CTNNA3: variants seen among roughly 807,000 people sequenced by gnomAD.
The protein encoded by CTNNA3 is catenin alpha-3.
CTNNA3 carries 76 observed loss-of-function variants against 95.7 expected under a neutral mutation model. The ratio of observed to expected loss-of-function variants is 0.79; its 90% CI spans 0.66 to 0.96. The LOEUF is 0.96. CTNNA3 is among the 40% of genes least tolerant of loss of function. The pLI, the probability that CTNNA3 is intolerant of heterozygous loss-of-function variation, is 0.00. For synonymous variants in CTNNA3, 431 were observed against 374.4 expected (o/e 1.15, Z -1.74); for missense variants, 1,191 against 1,089.8 (o/e 1.09, Z -1.31).
intron 7 of CTNNA3, among the ~76,000 whole-genome samples, chr10:66,856,422 A>T (rs1280597180): frequency 6.6e-6 from 1 of 152,072 alleles, no homozygotes; most frequent in African/African-American, 2.4e-5. Context: ...CCTTGGGTAT[A>T]TAACCAATAA....
At chr10:66,942,250 A>G (rs1237671029) in intron 7 of CTNNA3, among the ~76,000 whole-genome samples, 1 of 152,176 alleles carries the variant, frequency 6.6e-6, no homozygotes, top group Non-Finnish European at 1.5e-5. Context: ...AAACACATAA[A>G]TTGCCAAGTC....
intron 13 of CTNNA3, among the ~76,000 whole-genome samples, chr10:66,197,546 C>T (rs2087045150): frequency 1.3e-5 from 2 of 152,064 alleles, no homozygotes; most frequent in South Asian, 2.1e-4. Context: ...AGAATAATCA[C>T]CTGCAAAAAA....
intron 1 of CTNNA3, among the ~76,000 whole-genome samples, chr10:67,689,617 C>G (rs1469527154): frequency 6.6e-6 from 1 of 152,078 alleles, no homozygotes; most frequent in Non-Finnish European, 1.5e-5. Flanking sequence ...TTGAGAGTTC[C>G]ACTCATGGCC....
At chr10:66,646,214 A>G (rs1288616045) in intron 9 of CTNNA3, among the ~76,000 whole-genome samples, 1 of 152,170 alleles carries the variant, frequency 6.6e-6, no homozygotes, top group Non-Finnish European at 1.5e-5. Flanking sequence ...AAGACTAATA[A>G]ACTAATACAA....
At chr10:66,758,161 T>C (rs984889497) in intron 9 of CTNNA3, among the ~76,000 whole-genome samples, 18 of 152,128 alleles carry the variant, frequency 1.2e-4, no homozygotes, top group Non-Finnish European at 1.9e-4. Context: ...ATGAAACAAA[T>C]AAAAGAACTC....
At position 66,303,495 on chromosome 10, in the gene CTNNA3, TA is replaced by T. The variant is rs35890240; in HGVS notation, c.1733-22875del. On this transcript the variant is annotated intron_variant, in intron 12 of 17. Coordinates refer to ENST00000433211, the MANE Select transcript of CTNNA3 (RefSeq NM_013266.4). ...ATCTGGCTCTGCACATCATTATGGGTAAAAAAACTTTTTTATTTAAACAATT... is the reference window on the plus strand; with the variant it reads ...ATCTGGCTCTGCACATCATTATGGGTAAAAAACTTTTTTATTTAAACAATT... 2.0e-3 allele frequency among the ~76,000 whole-genome samples: 305 copies of T among 151,964 alleles called. 2 individuals are homozygous for T. The highest frequency in any genetic ancestry group is 6.9e-3 in the African/African-American group (288 of 41,454).
At position 66,294,086 on chromosome 10, in the gene CTNNA3, T is replaced by C. The variant is rs570158102; in HGVS notation, c.1733-13465A>G. The stretch of plus-strand genomic sequence containing the variant: ...CATCATGCTAATAGCCCAATGATTG[T>C]TAACGAGAATCTTTGGAATAGTTGC... On this transcript the variant is annotated intron_variant, in intron 12 of 17. Coordinates refer to ENST00000433211, the MANE Select transcript of CTNNA3 (RefSeq NM_013266.4). Among the ~76,000 whole-genome samples, 5 of 152,330 alleles carry C rather than the reference T, an allele frequency of 3.3e-5. No individual in the cohort carries two copies. The East Asian group carries it at 9.6e-4, about 29-fold the overall frequency.
intron 5 of CTNNA3, among the ~76,000 whole-genome samples, chr10:67,220,844 C>A (rs1157723413): frequency 6.6e-6 from 1 of 152,020 alleles, no homozygotes; most frequent in Non-Finnish European, 1.5e-5. Flanking sequence ...ATATCATGTA[C>A]CCCTTGATAT....
intron 7 of CTNNA3, among the ~76,000 whole-genome samples, chr10:67,109,028 T>G (rs1356288637): frequency 6.6e-6 from 1 of 152,214 alleles, no homozygotes; most frequent in African/African-American, 2.4e-5. Flanking sequence ...GTTTTGTTTT[T>G]AAAAATGTCC....
intron 1 of CTNNA3, among the ~76,000 whole-genome samples, chr10:67,650,475 G>C (rs768417723): frequency 5.3e-5 from 8 of 152,198 alleles, no homozygotes; most frequent in Non-Finnish European, 1.2e-4. Context: ...GATGTCTCCA[G>C]AGAAAGACAC....
At chr10:67,010,845 T>A (rs1196497034) in intron 7 of CTNNA3, among the ~76,000 whole-genome samples, 1 of 152,214 alleles carries the variant, frequency 6.6e-6, no homozygotes, top group Admixed American at 6.5e-5. Flanking sequence ...TATTTGTAGA[T>A]ACTAATTAAA....
At chr10:67,235,285 A>C (rs1466630060) in intron 5 of CTNNA3, among the ~76,000 whole-genome samples, 1 of 151,496 alleles carries the variant, frequency 6.6e-6, no homozygotes, top group African/African-American at 2.4e-5. Context: ...TACAGTAACC[A>C]AAACAGCATG....
At chr10:67,648,421 A>G (rs1159958960) in intron 1 of CTNNA3, among the ~76,000 whole-genome samples, 1 of 152,200 alleles carries the variant, frequency 6.6e-6, no homozygotes, top group Non-Finnish European at 1.5e-5. Flanking sequence ...CCTGAAATGT[A>G]GCACATTTCT....
At chr10:66,485,813 G>C (rs190374347) in intron 11 of CTNNA3, among the ~76,000 whole-genome samples, 10 of 152,038 alleles carry the variant, frequency 6.6e-5, no homozygotes, top group Non-Finnish European at 1.2e-4. Context: ...AACAAACCTA[G>C]AGGCATCACA....
intron 7 of CTNNA3, among the ~76,000 whole-genome samples, chr10:67,074,905 A>G (rs1856667949): frequency 1.3e-5 from 2 of 152,178 alleles, no homozygotes; most frequent in Admixed American, 1.3e-4. Flanking sequence ...AAAATGGTCT[A>G]TATTTAACAC....
chr10:66,845,708 A>AAATAAATAAATAAAT (rs1554862144), intron 7 of CTNNA3, among the ~76,000 whole-genome samples: 39 of 77,332 alleles, frequency 5.0e-4, no homozygotes, highest in African/African-American at 7.5e-4. Context: ...TGTCTCAAAA[A>AAATAAATAAATAAAT]AAAAAAAAAA....
At chr10:66,227,000 T>G (rs969618534) in intron 13 of CTNNA3, among the ~76,000 whole-genome samples, 1 of 152,080 alleles carries the variant, frequency 6.6e-6, no homozygotes, top group African/African-American at 2.4e-5. Context: ...CATCTCCATA[T>G]AGGGATAATT....
intron 5 of CTNNA3, among the ~76,000 whole-genome samples, chr10:67,227,956 A>G (rs1240379361): frequency 6.6e-6 from 1 of 152,232 alleles, no homozygotes; most frequent in Non-Finnish European, 1.5e-5. Context: ...GCATTGGGTC[A>G]AAAATGAAAT....
At chr10:67,531,092 C>A (rs904595328) in intron 4 of CTNNA3, among the ~76,000 whole-genome samples, 3 of 152,200 alleles carry the variant, frequency 2.0e-5, no homozygotes, top group Admixed American at 2.0e-4. Context: ...AAGTTTGCTG[C>A]AGGGGCAGGG....
Sources: gnomAD v4.1 joint callset for allele counts (sites outside exome capture counted in the v4.1 genomes callset) on GRCh38, gnomAD v4.1.1 for gene constraint, MANE v1.5 for transcripts, NCBI Gene and HGNC (gene_info 2026-07-23, HGNC 2026-07-21) for gene names.